SELENOF: variants seen among roughly 807,000 people sequenced by gnomAD.
The protein encoded by SELENOF is selenoprotein F.
Under a neutral mutation model 20.5 loss-of-function variants are expected in SELENOF, and 16 were observed. The ratio of observed to expected loss-of-function variants is 0.78; its 90% CI spans 0.53 to 1.19. SELENOF has a LOEUF of 1.19. Among genes scored for constraint, SELENOF ranks in the 50% most tolerant of loss-of-function variants. The pLI, the probability that SELENOF is intolerant of heterozygous loss-of-function variation, is 0.00. For synonymous variants in SELENOF, 78 were observed against 74.5 expected (o/e 1.05, Z -0.24); for missense variants, 215 against 194.2 (o/e 1.11, Z -0.64).
At position 86,909,952 on chromosome 1, in the gene SELENOF, GCACTT is replaced by G. The variant is rs1557473861; in HGVS notation, c.84+4071_84+4075del. On this transcript the variant is annotated intron_variant, in intron 1 of 4. Transcript: ENST00000331835. ...CCCGAGAGGCGGAGATTGCACCACT[GCACTT>G]CATCCCGGGTGACAATGCGAGACTT... 3.9e-5 allele frequency among the ~76,000 whole-genome samples: 6 copies of G among 152,278 alleles called. No individual in the cohort carries two copies. In the South Asian group the frequency reaches 1.2e-3, roughly 32 times the overall value.
At chr1:86,890,086 T>C (rs74871254) in intron 2 of SELENOF, among the ~76,000 whole-genome samples, 3,005 of 152,340 alleles carry the variant, frequency 0.02, 106 homozygotes, top group African/African-American at 0.061. Context: ...TATGAAGGTA[T>C]ATAAGGCCCT....
intron 1 of SELENOF, among the ~76,000 whole-genome samples, chr1:86,912,008 G>A (rs1659997300): frequency 1.3e-5 from 2 of 152,092 alleles, no homozygotes; most frequent in South Asian, 4.1e-4. Context: ...CTGACCTCAG[G>A]TGATTTGCCC....
At chr1:86,885,546 C>T (rs1029935688) in intron 2 of SELENOF, among the ~76,000 whole-genome samples, 127 of 152,186 alleles carry the variant, frequency 8.3e-4, no homozygotes, top group African/African-American at 3.0e-3. Flanking sequence ...CACCATTACA[C>T]ATTTATAAAC....
intron 3 of SELENOF, among the ~76,000 whole-genome samples, chr1:86,870,522 C>T (rs1299160281): frequency 6.6e-6 from 1 of 152,206 alleles, no homozygotes; most frequent in African/African-American, 2.4e-5. Flanking sequence ...GCCTTCTCTA[C>T]TACATACGAA....
chr1:86,874,462 T>C (rs764292455), intron 3 of SELENOF, among the ~76,000 whole-genome samples: 23 of 152,214 alleles, frequency 1.5e-4, no homozygotes, highest in Non-Finnish European at 2.4e-4. Flanking sequence ...TCATTCATGC[T>C]GCCCCCTAGA....
intron 2 of SELENOF, among the ~76,000 whole-genome samples, chr1:86,902,629 C>T (rs1042692832): frequency 6.6e-6 from 1 of 152,180 alleles, no homozygotes; most frequent in Non-Finnish European, 1.5e-5. Flanking sequence ...ATGATCTTTC[C>T]AGTCTACTTT....
intron 3 of SELENOF, among the ~76,000 whole-genome samples, chr1:86,873,695 AC>A (rs1425829919): frequency 6.6e-6 from 1 of 151,966 alleles, no homozygotes; most frequent in Non-Finnish European, 1.5e-5. Flanking sequence ...TACAAAAAAT[AC>A]AAAAAATTAG....
intron 2 of SELENOF, among the ~76,000 whole-genome samples, chr1:86,888,732 C>T (rs1421933577): frequency 3.9e-5 from 6 of 152,218 alleles, no homozygotes; most frequent in Non-Finnish European, 5.9e-5. Flanking sequence ...GGTGCGATCT[C>T]GGCTCACTGC....
chr1:86,864,425 G>C (rs991282201), intron 4 of SELENOF, among the ~76,000 whole-genome samples: 1 of 152,080 alleles, frequency 6.6e-6, no homozygotes, highest in Non-Finnish European at 1.5e-5. Flanking sequence ...TATGTAGTTC[G>C]GCAGTGATGA....
rs542752339 is a variant in SELENOF, at chr1:86,912,837, T to C, written c.84+1191A>G. 1.4e-4 allele frequency among the ~76,000 whole-genome samples: 22 copies of C among 152,242 alleles called. No individual in the cohort carries two copies. The South Asian group carries it at 4.6e-3, about 32-fold the overall frequency. On this transcript the variant is annotated intron_variant, in intron 1 of 4. Transcript: ENST00000331835. Reference sequence around the variant, plus strand: ...ACTGACCCAGAATTATGAGAAATCATTGCTGTTTTAAGCTACTAGGTTTTA... The same window carrying C: ...ACTGACCCAGAATTATGAGAAATCACTGCTGTTTTAAGCTACTAGGTTTTA...
chr1:86,870,467 T>C (rs761908873), intron 3 of SELENOF, among the ~76,000 whole-genome samples: 3 of 152,236 alleles, frequency 2.0e-5, no homozygotes, highest in Non-Finnish European at 2.9e-5. Flanking sequence ...GCTATTTGCA[T>C]GTCTGTGCAA....
At position 86,898,609 on chromosome 1, in the gene SELENOF, T is replaced by G. The variant is rs548902464; in HGVS notation, c.252+4672A>C. On this transcript the variant is annotated intron_variant, in intron 2 of 4. Coordinates refer to ENST00000331835, the MANE Select transcript of SELENOF (RefSeq NM_004261.5). Reference sequence around the variant, plus strand: ...TTTTTTTTTTTTTTTTGAGACAGAATCTTGCTCTGTCGCCCAGGTTGGAGT... The same window carrying G: ...TTTTTTTTTTTTTTTTGAGACAGAAGCTTGCTCTGTCGCCCAGGTTGGAGT... Among the ~76,000 whole-genome samples, 10 of 143,980 alleles carry G rather than the reference T, an allele frequency of 6.9e-5. No homozygotes were observed. In the South Asian group the frequency reaches 2.2e-3, roughly 32 times the overall value. 94.5% of individuals were successfully genotyped at this position (143,980 alleles called of 152,430 possible).
intron 2 of SELENOF, among the ~76,000 whole-genome samples, chr1:86,900,625 G>C (rs1477651206): frequency 2.0e-5 from 3 of 151,438 alleles, no homozygotes; most frequent in Admixed American, 6.6e-5. Context: ...CCGTGGGGAG[G>C]GGGAGAGGGA....
At chr1:86,888,072 C>T (rs1659272510) in intron 2 of SELENOF, among the ~76,000 whole-genome samples, 1 of 152,030 alleles carries the variant, frequency 6.6e-6, no homozygotes, top group African/African-American at 2.4e-5. Flanking sequence ...ACCAGCCTGG[C>T]CAACATGGTG....
chr1:86,893,126 T>C (rs1659430921), intron 2 of SELENOF, among the ~76,000 whole-genome samples: 7 of 152,164 alleles, frequency 4.6e-5, no homozygotes. Flanking sequence ...TTCTATTAAA[T>C]AGGGATAATA....
chr1:86,887,130 C>A, intron 2 of SELENOF: 1 of 1,518,378 alleles, frequency 6.6e-7, no homozygotes, highest in South Asian at 1.3e-5. Context: ...CCCATACTTT[C>A]TGATTAATGA....
chr1:86,877,272 T>C lies in SELENOF; in HGVS notation c.316+3390A>G, dbSNP rs555571010. On this transcript the variant is annotated intron_variant, in intron 3 of 4. Transcript: ENST00000331835. ...TATAAGGTAGATATTTAACCTATTA[T>C]ACCTCATCTGTAACCCATTTTATAA... 1.1e-4 allele frequency among the ~76,000 whole-genome samples: 17 copies of C among 152,318 alleles called. No individual in the cohort carries two copies. In the South Asian group the frequency reaches 3.3e-3, roughly 30 times the overall value.
At chr1:86,899,461 A>G (rs1490082457) in intron 2 of SELENOF, among the ~76,000 whole-genome samples, 13 of 99,444 alleles carry the variant, frequency 1.3e-4, no homozygotes, top group African/African-American at 4.0e-4. Flanking sequence ...GGCCGGGCAG[A>G]GGGGCTCCTC....
intron 1 of SELENOF, among the ~76,000 whole-genome samples, chr1:86,906,810 T>G (rs2102130551): frequency 6.6e-6 from 1 of 152,330 alleles, no homozygotes; most frequent in East Asian, 1.9e-4. Flanking sequence ...AATTGCTAAC[T>G]CACAAGATTT....
Sources: gnomAD v4.1 joint callset for allele counts (sites outside exome capture counted in the v4.1 genomes callset) on GRCh38, gnomAD v4.1.1 for gene constraint, MANE v1.5 for transcripts, NCBI Gene and HGNC (gene_info 2026-07-23, HGNC 2026-07-21) for gene names.